The following FRMD4B variants were observed in gnomAD, a reference collection of about 807,000 sequenced individuals.
FRMD4B encodes the protein FERM domain-containing protein 4B.
FRMD4B carries 74 observed loss-of-function variants against 141.5 expected under a neutral mutation model. That is an observed-to-expected ratio of 0.52 (90% CI 0.43 to 0.63). The LOEUF is 0.63. Among genes scored for constraint, FRMD4B ranks in the 30% least tolerant of loss-of-function variants. The pLI is 0.00. For synonymous variants in FRMD4B, 506 were observed against 467.9 expected, an observed-to-expected ratio of 1.08 and a Z score of -1.05; for missense variants, 1,366 against 1,253.4, an observed-to-expected ratio of 1.09 and a Z score of -1.36.
intron 5 of FRMD4B, among the ~76,000 whole-genome samples, chr3:69,268,928 ATT>A (rs766564016): frequency 6.4e-5 from 9 of 141,240 alleles, no homozygotes; most frequent in African/African-American, 7.9e-5. Context: ...ATAGATGAGA[ATT>A]TTTTTTTTTT....
chr3:69,533,744 G>T (rs1701038803), intron 1 of FRMD4B, among the ~76,000 whole-genome samples: 1 of 151,988 alleles, frequency 6.6e-6, no homozygotes, highest in South Asian at 2.1e-4. Context: ...AAATCTTTCA[G>T]GCCCAAGCGC....
At chr3:69,524,042 G>T (rs1026466794) in intron 1 of FRMD4B, among the ~76,000 whole-genome samples, 1 of 152,166 alleles carries the variant, frequency 6.6e-6, no homozygotes, top group African/African-American at 2.4e-5. Flanking sequence ...GGTATGTATA[G>T]GAAGGAACAT....
chr3:69,331,194 G>A (rs142180615), intron 1 of FRMD4B, among the ~76,000 whole-genome samples: 6 of 152,298 alleles, frequency 3.9e-5, no homozygotes, highest in Admixed American at 1.3e-4. Flanking sequence ...TCAAAAAAGC[G>A]TTGGTGCTTC....
intron 1 of FRMD4B, among the ~76,000 whole-genome samples, chr3:69,536,996 C>T (rs1168726755): frequency 6.6e-6 from 1 of 152,172 alleles, no homozygotes; most frequent in Non-Finnish European, 1.5e-5. Flanking sequence ...AATCCTCCTG[C>T]CCTGGCCTCC....
intron 5 of FRMD4B, among the ~76,000 whole-genome samples, chr3:69,261,069 C>A (rs111835725): frequency 1.3e-5 from 2 of 152,266 alleles, no homozygotes; most frequent in Admixed American, 1.3e-4. Context: ...AGCCAGATTT[C>A]GCAACCTGCT....
At chr3:69,531,864 T>C (rs1224764235) in intron 1 of FRMD4B, among the ~76,000 whole-genome samples, 1 of 152,234 alleles carries the variant, frequency 6.6e-6, no homozygotes, top group Non-Finnish European at 1.5e-5. Flanking sequence ...TTCTTCTTAA[T>C]ATGTTTGAAT....
In FRMD4B at chr3:69,364,733, G is replaced by A. The variant is rs143730443; in HGVS notation, c.162+21095C>T. The stretch of plus-strand genomic sequence containing the variant: ...ATCTCATCGAGACAATTCGACTCTG[G>A]TTAAATTATATTTAAGTTAATAAAT... On this transcript the variant is annotated intron_variant, in intron 1 of 22. Transcript: ENST00000398540. Among the ~76,000 whole-genome samples, 772 of 152,150 alleles carry A rather than the reference G, an allele frequency of 5.1e-3. 15 individuals carry two copies. Among genetic ancestry groups the A allele is most frequent in the Non-Finnish European group, 2.9e-3 (198 of 68,014 alleles).
chr3:69,206,893 G>A (rs928519705), intron 11 of FRMD4B, among the ~76,000 whole-genome samples: 5 of 151,922 alleles, frequency 3.3e-5, no homozygotes, highest in African/African-American at 7.3e-5. Flanking sequence ...CAGGTACATG[G>A]CACTCTATGG....
intron 1 of FRMD4B, among the ~76,000 whole-genome samples, chr3:69,341,026 C>A (rs890850991): frequency 3.3e-5 from 5 of 152,182 alleles, no homozygotes; most frequent in African/African-American, 1.2e-4. Context: ...GTTGCATATT[C>A]ATTTTATAAA....
chr3:69,327,605 G>A (rs1160419192), intron 1 of FRMD4B, among the ~76,000 whole-genome samples: 1 of 151,986 alleles, frequency 6.6e-6, no homozygotes, highest in South Asian at 2.1e-4. Flanking sequence ...TTTATTTTTT[G>A]TGACTCATGT....
upstream of FRMD4B, chr3:69,386,281 T>G: frequency 3.5e-6 from 1 of 283,216 alleles, no homozygotes; most frequent in Non-Finnish European, 6.5e-6. Context: ...TGGCCCTCGA[T>G]GCTCCCGGGG....
chr3:69,237,877 C>T (rs567465585), intron 7 of FRMD4B, among the ~76,000 whole-genome samples: 15 of 152,128 alleles, frequency 9.9e-5, no homozygotes, highest in Non-Finnish European at 2.1e-4. Context: ...ATTACAGGCA[C>T]GCACCACCAT....
intron 1 of FRMD4B, among the ~76,000 whole-genome samples, chr3:69,456,904 A>T (rs1705624937): frequency 6.6e-6 from 1 of 152,196 alleles, no homozygotes; most frequent in South Asian, 2.1e-4. Flanking sequence ...GCAGCTGAGT[A>T]GCTGCAACAC....
At position 69,436,309 on chromosome 3, in the gene FRMD4B, G is replaced by A. The variant is rs552999163; in HGVS notation, c.-128-3548C>T. Among the ~76,000 whole-genome samples, 241 of 152,236 alleles carry A rather than the reference G, an allele frequency of 1.6e-3. 2 individuals carry two copies. The highest frequency in any genetic ancestry group is 3.4e-3 in the Middle Eastern group (1 of 294). On this transcript the variant is annotated intron_variant, in intron 1 of 5. Coordinates refer to the FRMD4B transcript ENST00000459638. ...AAATACTAAAAAACGTAGGTGTTAC[G>A]GATCAATCAATCAGACGGAAATATA...
At chr3:69,329,443 G>A (rs7651462) in intron 1 of FRMD4B, among the ~76,000 whole-genome samples, 47,768 of 150,798 alleles carry the variant, frequency 0.32, 7,839 homozygotes, top group Admixed American at 0.35. Flanking sequence ...TCTCCCTCCC[G>A]GGTTCAAGCA....
intron 1 of FRMD4B, among the ~76,000 whole-genome samples, chr3:69,350,270 T>G (rs1267126318): frequency 6.6e-6 from 1 of 152,050 alleles, no homozygotes; most frequent in Non-Finnish European, 1.5e-5. Flanking sequence ...AAAATCACAA[T>G]GAGATACCAT....
At chr3:69,303,162 G>C (rs72934857) in intron 3 of FRMD4B, among the ~76,000 whole-genome samples, 8,733 of 152,122 alleles carry the variant, frequency 0.057, 828 homozygotes, top group African/African-American at 0.2. Context: ...CCATAAAATA[G>C]GCTGAAGAAC....
intron 11 of FRMD4B, among the ~76,000 whole-genome samples, chr3:69,205,515 C>T (rs1184311868): frequency 6.6e-6 from 1 of 151,962 alleles, no homozygotes; most frequent in Non-Finnish European, 1.5e-5. Flanking sequence ...AGCCTGAGTC[C>T]CTTTAATTTT....
chr3:69,349,381 G>C (rs1318363997), intron 1 of FRMD4B, among the ~76,000 whole-genome samples: 1 of 152,174 alleles, frequency 6.6e-6, no homozygotes, highest in Non-Finnish European at 1.5e-5. Flanking sequence ...TCAATATCGT[G>C]AAAATGGCCA....
Sources: gnomAD v4.1 joint callset for allele counts (sites outside exome capture counted in the v4.1 genomes callset) on GRCh38, gnomAD v4.1.1 for gene constraint, MANE v1.5 for transcripts, NCBI Gene and HGNC (gene_info 2026-07-23, HGNC 2026-07-21) for gene names.